CDKAL1: variants seen among roughly 807,000 people sequenced by gnomAD.
The protein encoded by CDKAL1 is CDKAL1 threonylcarbamoyladenosine tRNA methylthiotransferase.
In CDKAL1, 32 loss-of-function variants were observed where a neutral mutation model predicts 68.2. The ratio of observed to expected loss-of-function variants is 0.47; its 90% CI spans 0.35 to 0.63. The LOEUF is 0.63. CDKAL1 is among the 30% of genes least tolerant of loss of function. The pLI, the probability that CDKAL1 is intolerant of heterozygous loss-of-function variation, is 0.00. For missense variants in CDKAL1, 606 were observed against 696.7 expected, an observed-to-expected ratio of 0.87 and a Z score of 1.47; for synonymous variants, 234 against 244.3, an observed-to-expected ratio of 0.96 and a Z score of 0.39.
intron 15 of CDKAL1, among the ~76,000 whole-genome samples, chr6:21,226,231 GTATT>G (rs1779736381): frequency 6.6e-6 from 1 of 150,508 alleles, no homozygotes; most frequent in Non-Finnish European, 1.5e-5. Flanking sequence ...CCAACTGTCT[GTATT>G]TATCTTTAAC....
At chr6:21,058,452 T>C (rs1478148719) in intron 11 of CDKAL1, among the ~76,000 whole-genome samples, 4 of 152,258 alleles carry the variant, frequency 2.6e-5, no homozygotes, top group Non-Finnish European at 5.9e-5. Context: ...CTGATGGGTC[T>C]TGACTCTTTA....
At chr6:20,710,732 T>C (rs1442689697) in intron 5 of CDKAL1, among the ~76,000 whole-genome samples, 1 of 152,216 alleles carries the variant, frequency 6.6e-6, no homozygotes, top group Admixed American at 6.5e-5. Context: ...AAAGGTAATG[T>C]GCATCTGTTA....
At chr6:20,550,563 G>T (rs1365640176) in intron 4 of CDKAL1, among the ~76,000 whole-genome samples, 1 of 152,004 alleles carries the variant, frequency 6.6e-6, no homozygotes, top group Non-Finnish European at 1.5e-5. Flanking sequence ...TAAGAGAATG[G>T]CATTTAGAAA....
intron 10 of CDKAL1, among the ~76,000 whole-genome samples, chr6:20,991,706 CAA>C (rs35504365): frequency 0.14 from 8,041 of 59,064 alleles, 179 homozygotes; most frequent in Middle Eastern, 0.29. Flanking sequence ...TATTCCCTCT[CAA>C]AAAAAAAAAA....
intron 5 of CDKAL1, among the ~76,000 whole-genome samples, chr6:20,708,406 T>A (rs1771698116): frequency 6.6e-6 from 1 of 152,212 alleles, no homozygotes; most frequent in African/African-American, 2.4e-5. Flanking sequence ...TTTCTATCCT[T>A]TTCTATGTGG....
chr6:20,548,920 A>G (rs1251672314), intron 4 of CDKAL1, among the ~76,000 whole-genome samples: 1 of 152,236 alleles, frequency 6.6e-6, no homozygotes, highest in Non-Finnish European at 1.5e-5. Context: ...TAGTAAAATT[A>G]GAGAGTTCAC....
chr6:20,696,352 T>G (rs556144241), intron 5 of CDKAL1, among the ~76,000 whole-genome samples: 1 of 152,322 alleles, frequency 6.6e-6, no homozygotes, highest in African/African-American at 2.4e-5. Context: ...GCTCCAGAGC[T>G]TTTAGGGTTA....
chr6:20,803,929 C>A (rs1049104423), intron 8 of CDKAL1, among the ~76,000 whole-genome samples: 4 of 152,076 alleles, frequency 2.6e-5, no homozygotes, highest in Admixed American at 6.6e-5. Flanking sequence ...ACCTTCAAGG[C>A]AGGAAGATGT....
chr6:21,192,831 T>TAG, intron 13 of CDKAL1, among the ~76,000 whole-genome samples: 1 of 141,010 alleles, frequency 7.1e-6, no homozygotes, highest in African/African-American at 2.8e-5. Context: ...TTTTTTTTTT[T>TAG]AGAGATAGGA....
intron 5 of CDKAL1, among the ~76,000 whole-genome samples, chr6:20,665,154 C>A (rs1769471674): frequency 6.6e-6 from 1 of 151,980 alleles, no homozygotes; most frequent in Admixed American, 6.6e-5. Context: ...TTAGCTCTCC[C>A]ATAGACCTGG....
chr6:20,894,422 A>C (rs2150584254), intron 9 of CDKAL1, among the ~76,000 whole-genome samples: 1 of 112,378 alleles, frequency 8.9e-6, no homozygotes, highest in Non-Finnish European at 2.0e-5. Context: ...CTGTGTTTTA[A>C]ACATATAATG....
Position 20,955,525 on chromosome 6 carries a change from T to C in CDKAL1, c.849T>C (p.Pro283=), listed in dbSNP as rs765237876. 3.7e-6 allele frequency: 6 copies of C among 1,614,202 alleles called. No individual in the cohort carries two copies. In the South Asian group the frequency reaches 6.6e-5, roughly 18 times the overall value. The part of the protein sequence containing the change: ...TLLWKLVEVI[P]EGAMLRLGMT... ...TGTGGAAACTGGTTGAAGTGATTCCTGAGGGAGCAATGCTGAGGCTTGGCA... is the reference window on the plus strand; with the variant it reads ...TGTGGAAACTGGTTGAAGTGATTCCCGAGGGAGCAATGCTGAGGCTTGGCA... Residue 283 remains proline (P), a synonymous_variant, in exon 10 of 16, where the codon CCT becomes CCC. Transcript: ENST00000274695.
intron 5 of CDKAL1, among the ~76,000 whole-genome samples, chr6:20,652,282 C>T (rs923810492): frequency 6.6e-6 from 1 of 152,162 alleles, no homozygotes; most frequent in Non-Finnish European, 1.5e-5. Context: ...AGAATCAATG[C>T]ATACTTTGTG....
At chr6:21,193,033 A>G (rs1778323532) in intron 13 of CDKAL1, among the ~76,000 whole-genome samples, 1 of 151,890 alleles carries the variant, frequency 6.6e-6, no homozygotes, top group African/African-American at 2.4e-5. Flanking sequence ...GGCCCAGGCT[A>G]GTCTCTAACT....
At chr6:21,104,123 CAGTT>C (rs1773725691) in intron 12 of CDKAL1, among the ~76,000 whole-genome samples, 1 of 152,172 alleles carries the variant, frequency 6.6e-6, no homozygotes. Flanking sequence ...CTGTCATCAG[CAGTT>C]ACAGTGTGAA....
chr6:20,797,054 G>T (rs1465836217), intron 8 of CDKAL1, among the ~76,000 whole-genome samples: 1 of 152,130 alleles, frequency 6.6e-6, no homozygotes, highest in Admixed American at 6.5e-5. Context: ...AACAACTTTT[G>T]CTCTGTGAAT....
chr6:20,601,782 G>A (rs1326665396), intron 4 of CDKAL1, among the ~76,000 whole-genome samples: 1 of 152,154 alleles, frequency 6.6e-6, no homozygotes, highest in Non-Finnish European at 1.5e-5. Flanking sequence ...CAGAGATTGG[G>A]AGATGTGTGT....
chr6:21,225,868 C>A (rs112860817), intron 15 of CDKAL1, among the ~76,000 whole-genome samples: 46 of 152,324 alleles, frequency 3.0e-4, no homozygotes, highest in African/African-American at 1.1e-3. Context: ...ATTAGAACCA[C>A]AGAATACCAT....
At chr6:20,622,500 T>A (rs1767239200) in intron 4 of CDKAL1, among the ~76,000 whole-genome samples, 2 of 152,120 alleles carry the variant, frequency 1.3e-5, no homozygotes, top group South Asian at 4.1e-4. Flanking sequence ...GTTGGATTGA[T>A]ACTGAAATGT....
Sources: allele counts gnomAD v4.1 joint callset (sites outside exome capture counted in the v4.1 genomes callset), GRCh38; gene constraint gnomAD v4.1.1; transcripts MANE v1.5; gene names NCBI Gene and HGNC (gene_info 2026-07-23, HGNC 2026-07-21).